The following CPZ variants were observed in gnomAD, a reference collection of about 807,000 sequenced individuals.
The protein encoded by CPZ is carboxypeptidase Z, also known as VEZT/CPZ fusion.
Under a neutral mutation model 61.8 loss-of-function variants are expected in CPZ, and 103 were observed. The ratio of observed to expected loss-of-function variants is 1.67; its 90% CI spans 1.42 to 1.96. The LOEUF (loss-of-function observed/expected upper bound fraction) is 1.96, where lower values mean the gene tolerates loss of function less well. Ranked by LOEUF, CPZ falls within the 30% of genes most tolerant of loss-of-function variation. CPZ has a pLI of 0.00. For synonymous variants in CPZ, 551 were observed against 373.7 expected (o/e 1.47, Z -5.47); for missense variants, 1,461 against 914.9 (o/e 1.60, Z -7.70).
At chr4:8,617,387 A>C (rs573544041) in intron 9 of CPZ, among the ~76,000 whole-genome samples, 11 of 152,322 alleles carry the variant, frequency 7.2e-5, no homozygotes, top group African/African-American at 2.6e-4. Flanking sequence ...TCCCGGGGCC[A>C]GGGAAGGAGG....
At chr4:8,616,923 G>A (rs895816454) in intron 9 of CPZ, among the ~76,000 whole-genome samples, 4 of 152,152 alleles carry the variant, frequency 2.6e-5, no homozygotes, top group Non-Finnish European at 4.4e-5. Flanking sequence ...TCTCCATCGC[G>A]TCAGGAGGGC....
intron 1 of CPZ, among the ~76,000 whole-genome samples, chr4:8,599,016 G>C (rs1010045173): frequency 1.3e-5 from 2 of 152,212 alleles, no homozygotes; most frequent in African/African-American, 2.4e-5. Context: ...GGGCTCCGGG[G>C]GCTGACAGTT....
intron 7 of CPZ, among the ~76,000 whole-genome samples, chr4:8,607,962 T>C (rs1250584721): frequency 6.6e-6 from 1 of 152,184 alleles, no homozygotes; most frequent in Non-Finnish European, 1.5e-5. Flanking sequence ...CAGTTTCTCC[T>C]ACTGTTCGTA....
chr4:8,615,092 T>G (rs1716051563), intron 9 of CPZ, among the ~76,000 whole-genome samples: 1 of 148,974 alleles, frequency 6.7e-6, no homozygotes, highest in African/African-American at 2.5e-5. Context: ...GGCCTCAGAG[T>G]GAAGGGTATA....
intron 8 of CPZ, among the ~76,000 whole-genome samples, chr4:8,614,095 G>T (rs1212111950): frequency 6.6e-6 from 1 of 152,196 alleles, no homozygotes; most frequent in Non-Finnish European, 1.5e-5. Context: ...GCCTCATGCC[G>T]CCATCTGCGG....
chr4:8,601,496 G>A lies in CPZ; in HGVS notation c.495G>A (p.Arg165=). Residue 165 remains arginine, a splice_region_variant and synonymous_variant, in exon 3 of 11, where the codon CGG becomes CGA. Transcript: ENST00000360986. Reference sequence around the variant, plus strand: ...GCTATGACCCGCTGGAGAAGCTTCGGGGTAAGGGAAAGTGGCGGGGGCCTG... The same window carrying A: ...GCTATGACCCGCTGGAGAAGCTTCGAGGTAAGGGAAAGTGGCGGGGGCCTG... ...EGCYDPLEKL[R]GGLEADEALP... 6.8e-7 allele frequency: 1 copy of A among 1,470,838 alleles called. No homozygotes were observed. Among genetic ancestry groups the A allele is most frequent in the East Asian group, 2.5e-5 (1 of 40,808 alleles). The allele number at this position is 1,470,838 out of a possible 1,614,324, so 91.1% of individuals were successfully genotyped here.
intron 7 of CPZ, among the ~76,000 whole-genome samples, chr4:8,609,450 G>A (rs1289931348): frequency 2.0e-5 from 3 of 152,234 alleles, no homozygotes; most frequent in Non-Finnish European, 2.9e-5. Context: ...GACTCTTGCA[G>A]GTAGTGCACA....
chr4:8,607,430 G>A lies in CPZ; in HGVS notation c.1227+5G>A. On this transcript the variant is annotated splice_donor_5th_base_variant and intron_variant, in intron 7 of 10. Coordinates refer to ENST00000360986, the MANE Select transcript of CPZ (RefSeq NM_001014447.3). Reference sequence around the variant, plus strand: ...TCTCCCACGCCCGACGAGAAGGTGAGAGGGCTGTCGGGTGTGTGCAGGGGA... The same window carrying A: ...TCTCCCACGCCCGACGAGAAGGTGAAAGGGCTGTCGGGTGTGTGCAGGGGA... The A allele has an allele frequency of 6.2e-7, 1 of 1,613,676 alleles. No homozygotes were observed.
intron 2 of CPZ, 138 bp from the exon 3 acceptor site, chr4:8,600,985 C>T (rs1435719753): frequency 2.1e-6 from 3 of 1,415,396 alleles, no homozygotes; most frequent in Non-Finnish European, 2.8e-6. Context: ...TAGCTGTTGT[C>T]CTGGTCCTCC....
intron 9 of CPZ, among the ~76,000 whole-genome samples, chr4:8,617,267 A>C (rs2109348512): frequency 6.6e-6 from 1 of 152,310 alleles, no homozygotes; most frequent in Non-Finnish European, 1.5e-5. Flanking sequence ...AACATTTTAC[A>C]GCTGAGGAAA....
chr4:8,617,937 C>T (rs1172268597), intron 9 of CPZ, among the ~76,000 whole-genome samples: 1 of 152,088 alleles, frequency 6.6e-6, no homozygotes, highest in Non-Finnish European at 1.5e-5. Context: ...GCCAGGCAAG[C>T]AGTAAGAAGG....
intron 4 of CPZ, among the ~76,000 whole-genome samples, chr4:8,604,708 C>T (rs1364326050): frequency 6.6e-6 from 1 of 152,232 alleles, no homozygotes; most frequent in Non-Finnish European, 1.5e-5. Context: ...GTCTCGAACT[C>T]CTGACCTCAA....
chr4:8,606,025 G>C lies in CPZ; in HGVS notation c.746G>C (p.Gly249Ala). The C allele has an allele frequency of 6.2e-7, 1 of 1,614,116 alleles. No individual in the cohort carries two copies. The change falls in exon 5 of 11, where the codon GGC (glycine) becomes GCC (alanine). Residue 249 changes from glycine to alanine, a missense_variant. Coordinates refer to ENST00000360986, the MANE Select transcript of CPZ (RefSeq NM_001014447.3). Reference protein sequence around the residue: ...PEVKLIGNIHGNEVAGREMLI... With the variant: ...PEVKLIGNIHANEVAGREMLI... ...GTGAAGCTCATCGGCAACATTCATG[G>C]CAACGAGGTGGCGGGCCGGGAGATG...
At chr4:8,592,996 G>C in intron 1 of CPZ, 75 bp downstream of exon 1, 1 of 1,229,872 alleles carries the variant, frequency 8.1e-7, no homozygotes, top group South Asian at 1.4e-5. Context: ...TCGCTTCCCA[G>C]GGGCCCGGGA....
chr4:8,618,096 G>T, intron 9 of CPZ: 1 of 324,752 alleles, frequency 3.1e-6, no homozygotes, highest in Non-Finnish European at 5.8e-6. Flanking sequence ...TGGGAAGGCA[G>T]GGAAGGAATG....
chr4:8,619,315 G>A lies in CPZ; in HGVS notation c.1657G>A (p.Ala553Thr). The A allele has an allele frequency of 1.9e-6, 3 of 1,613,984 alleles. No individual in the cohort carries two copies. The highest frequency in any genetic ancestry group is 2.2e-5 in the East Asian group (1 of 44,866). Residue 553 changes from alanine (A) to threonine (T), a missense_variant, in exon 11 of 11, where the codon GCC becomes ACC. Ala to Thr is a moderately conservative substitution (Grantham distance 58). Transcript: ENST00000360986. The stretch of plus-strand genomic sequence containing the variant: ...GCCCCCAGGTATCCACATTGTCATT[G>A]CCCAAGCCCCTGGCTACGCCAAAGT... ...LLPPGIHIVI[A>T]QAPGYAKVIK...
chr4:8,608,553 C>T (rs1177530742), intron 7 of CPZ, among the ~76,000 whole-genome samples: 3 of 151,812 alleles, frequency 2.0e-5, no homozygotes, highest in African/African-American at 4.9e-5. Context: ...CTGGTCCCTG[C>T]GCTGGGGGTC....
intron 3 of CPZ, chr4:8,601,891 C>T (rs1714604230): frequency 1.7e-5 from 3 of 179,626 alleles, no homozygotes; most frequent in African/African-American, 2.4e-5. Flanking sequence ...ACAGACCCTC[C>T]AGAACCATAG....
Position 8,601,395 on chromosome 4 carries a change from G to A in CPZ, c.394G>A (p.Ala132Thr), listed in dbSNP as rs777352854. 1.6e-5 allele frequency: 25 copies of A among 1,591,206 alleles called. No individual in the cohort carries two copies. The highest frequency in any genetic ancestry group is 1.7e-4 in the Middle Eastern group (1 of 6,052). ...GGGCCTGCGGGAGGTCTGCCAGCCC[G>A]CCTTCGACGCCATTGACATGGCCTG... ...CEGLREVCQPAFDAIDMAWPY... is the reference protein window; with the variant it reads ...CEGLREVCQPTFDAIDMAWPY... The change falls in exon 3 of 11, where the codon GCC becomes ACC. Residue 132 changes from alanine to threonine, a missense_variant. By Grantham distance (58) the Ala-to-Thr change is moderately conservative. Coordinates refer to ENST00000360986, the MANE Select transcript of CPZ (RefSeq NM_001014447.3).
Sources: allele counts gnomAD v4.1 joint callset (sites outside exome capture counted in the v4.1 genomes callset), GRCh38; gene constraint gnomAD v4.1.1; transcripts MANE v1.5; gene names NCBI Gene and HGNC (gene_info 2026-07-23, HGNC 2026-07-21).